Variants in TMEM132C observed in about 807,000 individuals in gnomAD.
The protein encoded by TMEM132C is protein phosphatase 1, regulatory subunit 152.
Under a neutral mutation model 61.4 loss-of-function variants are expected in TMEM132C, and 29 were observed. The ratio of observed to expected loss-of-function variants is 0.47; its 90% CI spans 0.35 to 0.64. The LOEUF is 0.64. Ranked by LOEUF, TMEM132C falls within the 30% of genes least tolerant of loss-of-function variation. The probability of loss-of-function intolerance (pLI) is 0.00; values close to 1 mark genes in which losing one functional copy is unlikely to be tolerated. For missense variants in TMEM132C, 1,408 were observed against 1,476.9 expected (o/e 0.95, Z 0.76); for synonymous variants, 656 against 633.1 (o/e 1.04, Z -0.54).
chr12:128,568,035 TCA>T (rs1401193496), intron 3 of TMEM132C, among the ~76,000 whole-genome samples: 1 of 152,034 alleles, frequency 6.6e-6, no homozygotes, highest in Non-Finnish European at 1.5e-5. Context: ...GGGGTGGACC[TCA>T]TGCAGAGACA....
chr12:128,358,801 C>T (rs767954901), intron 1 of TMEM132C, among the ~76,000 whole-genome samples: 18 of 152,114 alleles, frequency 1.2e-4, no homozygotes, highest in African/African-American at 1.7e-4. Context: ...ATTTGAATTG[C>T]GCACACAGGC....
At chr12:128,624,660 G>A (rs1953998721) in intron 4 of TMEM132C, among the ~76,000 whole-genome samples, 1 of 151,794 alleles carries the variant, frequency 6.6e-6, no homozygotes. Context: ...TTCAGGAAAT[G>A]CTAGTTATTT....
intron 2 of TMEM132C, among the ~76,000 whole-genome samples, chr12:128,456,561 C>T (rs370745379): frequency 8.6e-5 from 13 of 151,188 alleles, no homozygotes; most frequent in African/African-American, 1.7e-4. Context: ...TGCCTGCTAC[C>T]GTGCCCGGCT....
intron 1 of TMEM132C, among the ~76,000 whole-genome samples, chr12:128,315,671 A>G (rs1422601434): frequency 6.6e-6 from 1 of 152,136 alleles, no homozygotes; most frequent in Non-Finnish European, 1.5e-5. Flanking sequence ...GTAGGATCTC[A>G]TGTGACCTTA....
Position 128,538,951 on chromosome 12 carries a change from T to G in TMEM132C, c.975-5006T>G, listed in dbSNP as rs1468453604. ...TTTTCCTTCTCTGCATAATGAGTTC[T>G]TATCTTCAGGATTAAAAACTGATTG... On this transcript the variant is annotated intron_variant, in intron 2 of 8. Coordinates refer to ENST00000435159, the MANE Select transcript of TMEM132C (RefSeq NM_001136103.3). 2.6e-5 allele frequency among the ~76,000 whole-genome samples: 4 copies of G among 152,240 alleles called. No homozygotes were observed. In the East Asian group the frequency reaches 7.7e-4, roughly 29 times the overall value.
chr12:128,617,003 T>A (rs1876822484), intron 4 of TMEM132C, among the ~76,000 whole-genome samples: 1 of 152,240 alleles, frequency 6.6e-6, no homozygotes, highest in Non-Finnish European at 1.5e-5. Flanking sequence ...CTTTGAGTTA[T>A]AAAGGCTACA....
chr12:128,339,091 C>T (rs1872875394), intron 1 of TMEM132C, among the ~76,000 whole-genome samples: 2 of 152,228 alleles, frequency 1.3e-5, no homozygotes, highest in East Asian at 1.9e-4. Context: ...CTCTTCCCCT[C>T]TGCTGATTTT....
At chr12:128,369,646 C>CAGTT (rs939147442) in intron 1 of TMEM132C, among the ~76,000 whole-genome samples, 50 of 152,344 alleles carry the variant, frequency 3.3e-4, no homozygotes, top group African/African-American at 1.1e-3. Flanking sequence ...AAAGACTCCA[C>CAGTT]AGTTATCACT....
chr12:128,517,081 A>G (rs1872742355), intron 2 of TMEM132C, among the ~76,000 whole-genome samples: 1 of 150,754 alleles, frequency 6.6e-6, no homozygotes. Context: ...AAAAAAAAAA[A>G]TTAGCCAGGT....
At chr12:128,680,753 G>C (rs531083404) in intron 5 of TMEM132C, among the ~76,000 whole-genome samples, 1 of 152,178 alleles carries the variant, frequency 6.6e-6, no homozygotes, top group Non-Finnish European at 1.5e-5. Flanking sequence ...AGATCAGGTT[G>C]TTCTGACCCT....
intron 3 of TMEM132C, among the ~76,000 whole-genome samples, chr12:128,589,138 G>A (rs375512730): frequency 3.9e-5 from 6 of 152,192 alleles, no homozygotes; most frequent in Middle Eastern, 6.8e-3. Context: ...CCTACATATG[G>A]AGAGGGATCC....
chr12:128,302,721 C>T (rs921532771), intron 1 of TMEM132C, among the ~76,000 whole-genome samples: 1 of 152,194 alleles, frequency 6.6e-6, no homozygotes, highest in Non-Finnish European at 1.5e-5. Flanking sequence ...GTTAATAAAA[C>T]ATATCTACAT....
chr12:128,337,941 T>C (rs1183852966), intron 1 of TMEM132C, among the ~76,000 whole-genome samples: 1 of 152,154 alleles, frequency 6.6e-6, no homozygotes, highest in African/African-American at 2.4e-5. Flanking sequence ...ATAGTAACAG[T>C]GAGGATTCCA....
chr12:128,284,169 C>T lies in TMEM132C; in HGVS notation c.85+16682C>T, dbSNP rs144269628. 1.5e-3 allele frequency among the ~76,000 whole-genome samples: 226 copies of T among 152,220 alleles called. 1 individual carries two copies. The highest frequency in any genetic ancestry group is 5.0e-3 in the African/African-American group (209 of 41,534). The stretch of plus-strand genomic sequence containing the variant: ...TGACCAGCCATTCCTAGGAAAATAA[C>T]GTGAGCCAATTTGCATAACAAGTCT... On this transcript the variant is annotated intron_variant, in intron 1 of 8. Transcript: ENST00000435159.
rs568475883 is a variant in TMEM132C, at chr12:128,630,698, C to T, written c.1305+14363C>T. On this transcript the variant is annotated intron_variant, in intron 4 of 8. Coordinates refer to ENST00000435159, the MANE Select transcript of TMEM132C (RefSeq NM_001136103.3). The surrounding 1 kb of genome is among the most constrained non-coding windows in gnomAD (Gnocchi z 4.3). ...CACCTTCCAGATCACTGCTCAATATCTAGTCGATGGCCAAAACATATCTAC... is the reference window on the plus strand; with the variant it reads ...CACCTTCCAGATCACTGCTCAATATTTAGTCGATGGCCAAAACATATCTAC... 9.2e-5 allele frequency among the ~76,000 whole-genome samples: 14 copies of T among 152,308 alleles called. No individual in the cohort carries two copies. In the South Asian group the frequency reaches 2.7e-3, roughly 29 times the overall value.
chr12:128,517,065 A>C (rs1450468552), intron 2 of TMEM132C, among the ~76,000 whole-genome samples: 3 of 144,470 alleles, frequency 2.1e-5, no homozygotes, highest in Non-Finnish European at 4.5e-5. Flanking sequence ...TGCTAAAAAT[A>C]CAAAAAAAAA....
At position 128,694,025 on chromosome 12, in the gene TMEM132C, C is replaced by T. The variant is rs1429056004; in HGVS notation, c.1646C>T (p.Thr549Ile). Residue 549 changes from threonine (T) to isoleucine (I), a missense_variant, in exon 6 of 9, where the codon ACC becomes ATC. Thr to Ile is a moderately conservative substitution (Grantham distance 89, BLOSUM62 -1). Transcript: ENST00000435159. ...AAGGGCTGGAGGGTCCCCATTGTGA[C>T]CAATAAGAGGTGAGCCTCGGATGGG... is the stretch of plus-strand genomic sequence containing the variant. ...QIKGWRVPIVTNKRPTRESED... is the reference protein window; with the variant it reads ...QIKGWRVPIVINKRPTRESED... 6 of 1,551,624 alleles carry T rather than the reference C, an allele frequency of 3.9e-6. No individual in the cohort carries two copies. The South Asian group carries it at 5.9e-5, about 15-fold the overall frequency.
chr12:128,706,520 T>A lies in TMEM132C; in HGVS notation c.*225T>A. On this transcript the variant is annotated 3_prime_UTR_variant, in exon 9 of 9. Coordinates refer to ENST00000435159, the MANE Select transcript of TMEM132C (RefSeq NM_001136103.3). ...GGTCAGGGGAATAAAGTCTGGGGCA[T>A]GGGGAGTGCAGACCAAGTTACTGAA... 1.9e-6 allele frequency: 1 copy of A among 530,234 alleles called. No homozygotes were observed. Among genetic ancestry groups the A allele is most frequent in the Middle Eastern group, 5.2e-4 (1 of 1,932 alleles). 32.8% of individuals were successfully genotyped at this position (530,234 alleles called of 1,614,324 possible).
chr12:128,542,942 T>C (rs1248111307), intron 2 of TMEM132C, among the ~76,000 whole-genome samples: 2 of 151,764 alleles, frequency 1.3e-5, no homozygotes, highest in Non-Finnish European at 2.9e-5. Context: ...AACTGTCTTA[T>C]GCCTTTTAAA....
Sources: gnomAD v4.1 joint callset for allele counts (sites outside exome capture counted in the v4.1 genomes callset) on GRCh38, gnomAD v4.1.1 for gene constraint, Gnocchi (gnomAD v3.1) non-coding constraint, MANE v1.5 for transcripts, NCBI Gene and HGNC (gene_info 2026-07-23, HGNC 2026-07-21) for gene names.